The following RBFOX1 variants were observed in gnomAD, a reference collection of about 807,000 sequenced individuals.
RBFOX1 encodes RNA binding protein fox-1 homolog 1.
Under a neutral mutation model 57.7 loss-of-function variants are expected in RBFOX1, and 8 were observed. The observed-to-expected ratio is 0.14, with a 90% CI of 0.08 to 0.25. The LOEUF (loss-of-function observed/expected upper bound fraction) is 0.25, where lower values mean the gene tolerates loss of function less well. Ranked by LOEUF, RBFOX1 falls within the 10% of genes least tolerant of loss-of-function variation. The pLI, the probability that RBFOX1 is intolerant of heterozygous loss-of-function variation, is 1.00. For synonymous variants in RBFOX1, 326 were observed against 222.4 expected (o/e 1.47, Z -4.15); for missense variants, 611 against 548.5 (o/e 1.11, Z -1.14).
chr16:7,466,606 C>G (rs756193176), intron 4 of RBFOX1, among the ~76,000 whole-genome samples: 4 of 152,198 alleles, frequency 2.6e-5, no homozygotes, highest in Non-Finnish European at 4.4e-5. Flanking sequence ...TGATCTGGAT[C>G]CCAGCTCTGC....
chr16:7,179,138 G>T (rs1922586), intron 4 of RBFOX1, among the ~76,000 whole-genome samples: 31,808 of 151,770 alleles, frequency 0.21, 3,960 homozygotes, highest in East Asian at 0.39. Context: ...ATCCGGAGGG[G>T]TTAATATTTT....
intron 3 of RBFOX1, among the ~76,000 whole-genome samples, chr16:6,864,957 C>A (rs1224991520): frequency 6.7e-6 from 1 of 148,180 alleles, no homozygotes; most frequent in African/African-American, 2.5e-5. Flanking sequence ...CCCTGTTCCT[C>A]AATCCCAGTG....
At chr16:7,542,587 G>A (rs2083241726) in intron 5 of RBFOX1, among the ~76,000 whole-genome samples, 1 of 151,842 alleles carries the variant, frequency 6.6e-6, no homozygotes, top group Admixed American at 6.6e-5. Flanking sequence ...GGGTGCAGTG[G>A]CTCACACCTG....
intron 2 of RBFOX1, among the ~76,000 whole-genome samples, chr16:6,468,738 C>G (rs939275798): frequency 6.6e-6 from 1 of 152,086 alleles, no homozygotes; most frequent in South Asian, 2.1e-4. Flanking sequence ...GCTCAGTCCT[C>G]TTTTCTACTT....
At chr16:5,401,764 T>TATCGTCCTCCTCCTCTGCCGCTGTCAC (rs1555508909) in intron 1 of RBFOX1, among the ~76,000 whole-genome samples, 1 of 103,410 alleles carries the variant, frequency 9.7e-6, no homozygotes, top group Non-Finnish European at 2.2e-5. Context: ...TCCCTGTCTC[T>TATCGTCCTCCTCCTCTGCCGCTGTCAC]CTCCTCCTCC....
At chr16:7,154,171 A>G (rs1320547955) in intron 4 of RBFOX1, among the ~76,000 whole-genome samples, 2 of 152,228 alleles carry the variant, frequency 1.3e-5, no homozygotes, top group African/African-American at 2.4e-5. Context: ...TTGAGCACCT[A>G]TGATGTGCCA....
At chr16:6,390,033 G>A (rs1354850474) in intron 2 of RBFOX1, among the ~76,000 whole-genome samples, 1 of 152,138 alleles carries the variant, frequency 6.6e-6, no homozygotes, top group East Asian at 1.9e-4. Context: ...TTGGTCAGGA[G>A]CTCCATCTTC....
At chr16:6,125,961 G>T (rs552706939) in intron 1 of RBFOX1, among the ~76,000 whole-genome samples, 2 of 152,090 alleles carry the variant, frequency 1.3e-5, no homozygotes, top group Non-Finnish European at 2.9e-5. Context: ...ATAAGGAATG[G>T]GGGGATAGTC....
At chr16:6,210,909 A>T (rs2097292447) in intron 1 of RBFOX1, among the ~76,000 whole-genome samples, 1 of 152,134 alleles carries the variant, frequency 6.6e-6, no homozygotes, top group Non-Finnish European at 1.5e-5. Flanking sequence ...TCTTAGGAAA[A>T]CACAAGGTCT....
intron 4 of RBFOX1, among the ~76,000 whole-genome samples, chr16:5,893,120 C>T (rs993374888): frequency 3.9e-5 from 6 of 152,184 alleles, no homozygotes; most frequent in Non-Finnish European, 1.5e-5. Context: ...CATTTTACCT[C>T]ACATTATATC....
At chr16:6,674,899 G>C (rs2057353242) in intron 3 of RBFOX1, among the ~76,000 whole-genome samples, 1 of 151,550 alleles carries the variant, frequency 6.6e-6, no homozygotes, top group Non-Finnish European at 1.5e-5. Context: ...TTGTTTGGTG[G>C]TTTTTTTTGT....
chr16:5,302,264 CTT>C (rs1337564529), intron 1 of RBFOX1, among the ~76,000 whole-genome samples: 1 of 152,014 alleles, frequency 6.6e-6, no homozygotes, highest in African/African-American at 2.4e-5. Context: ...TTTTTAGTGA[CTT>C]TTAATTAAAT....
chr16:5,452,193 A>G (rs1216006302), intron 1 of RBFOX1, among the ~76,000 whole-genome samples: 3 of 141,212 alleles, frequency 2.1e-5, no homozygotes, highest in Non-Finnish European at 4.5e-5. Flanking sequence ...ATCTCAGCTC[A>G]CTGCAACCTC....
At chr16:6,421,588 T>G (rs2152989404) in intron 2 of RBFOX1, among the ~76,000 whole-genome samples, 1 of 152,314 alleles carries the variant, frequency 6.6e-6, no homozygotes, top group Middle Eastern at 3.4e-3. Flanking sequence ...TTTTGCATAA[T>G]GTGGAAATAA....
chr16:5,812,839 G>T (rs187455127), intron 3 of RBFOX1, among the ~76,000 whole-genome samples: 1 of 152,096 alleles, frequency 6.6e-6, no homozygotes, highest in East Asian at 1.9e-4. Context: ...CATTTTCCTC[G>T]TGACTAATGA....
At chr16:7,325,822 GT>G (rs747472295) in intron 4 of RBFOX1, among the ~76,000 whole-genome samples, 1 of 152,074 alleles carries the variant, frequency 6.6e-6, no homozygotes, top group Non-Finnish European at 1.5e-5. Flanking sequence ...TTAGTCCTTG[GT>G]ATTCTAAATA....
intron 11 of RBFOX1, among the ~76,000 whole-genome samples, chr16:7,633,490 G>A (rs1027288020): frequency 3.3e-5 from 5 of 151,872 alleles, no homozygotes; most frequent in Non-Finnish European, 5.9e-5. Flanking sequence ...CCATTCTTGA[G>A]AACTTAGGTT....
chr16:5,878,548 A>G (rs2057677428), intron 4 of RBFOX1, among the ~76,000 whole-genome samples: 1 of 152,212 alleles, frequency 6.6e-6, no homozygotes, highest in Non-Finnish European at 1.5e-5. Context: ...CTTGGGTTAA[A>G]GTCTACGTTG....
intron 1 of RBFOX1, among the ~76,000 whole-genome samples, chr16:5,293,531 G>C (rs184438482): frequency 1.3e-5 from 2 of 152,156 alleles, no homozygotes; most frequent in Non-Finnish European, 2.9e-5. Context: ...CTCTCACTTA[G>C]CATGATGTTT....
Sources: allele counts gnomAD v4.1 joint callset (sites outside exome capture counted in the v4.1 genomes callset), GRCh38; gene constraint gnomAD v4.1.1; transcripts MANE v1.5; gene names NCBI Gene and HGNC (gene_info 2026-07-23, HGNC 2026-07-21).